HDLBP: variants seen among roughly 807,000 people sequenced by gnomAD.
The protein encoded by HDLBP is high density lipoprotein binding protein.
A neutral mutation model predicts 137.3 loss-of-function variants in HDLBP; 30 were observed. The observed-to-expected ratio is 0.22, with a 90% CI of 0.16 to 0.30. HDLBP has a LOEUF of 0.30. Ranked by LOEUF, HDLBP falls within the 10% of genes least tolerant of loss-of-function variation. The pLI is 1.00. For synonymous variants in HDLBP, 606 were observed against 596.0 expected (o/e 1.02, Z -0.24); for missense variants, 1,119 against 1,667.3 (o/e 0.67, Z 5.73).
chr2:241,298,991 G>A (rs762472978), intron 1 of HDLBP, among the ~76,000 whole-genome samples: 14 of 152,178 alleles, frequency 9.2e-5, no homozygotes, highest in Non-Finnish European at 1.8e-4. Context: ...ATCAGAAGGC[G>A]GCAACGCATT....
intron 4 of HDLBP, among the ~76,000 whole-genome samples, chr2:241,263,581 C>T (rs1349621866): frequency 6.6e-6 from 1 of 152,070 alleles, no homozygotes; most frequent in African/African-American, 2.4e-5. Context: ...AGATAGCAGA[C>T]AGGTGAAAAT....
At chr2:241,242,430 C>A (rs1378489247) in intron 17 of HDLBP, 30 bp downstream of exon 17, 1 of 1,589,158 alleles carries the variant, frequency 6.3e-7, no homozygotes, top group Non-Finnish European at 8.6e-7. Flanking sequence ...AGGCTTCCTG[C>A]CAAGAGTCAC....
intron 1 of HDLBP, among the ~76,000 whole-genome samples, chr2:241,282,054 A>G (rs1369900846): frequency 6.6e-6 from 1 of 152,242 alleles, no homozygotes; most frequent in Non-Finnish European, 1.5e-5. Context: ...AAAAGAGTAT[A>G]AAATGCGTCT....
At chr2:241,243,358 C>T (rs2071425295) in intron 16 of HDLBP, among the ~76,000 whole-genome samples, 1 of 152,230 alleles carries the variant, frequency 6.6e-6, no homozygotes, top group Admixed American at 6.5e-5. Flanking sequence ...CCAGAAGGAT[C>T]ACAGGAAACA....
intron 23 of HDLBP, 86 bp downstream of exon 23, chr2:241,235,035 A>C (rs2070233147): frequency 1.3e-6 from 2 of 1,513,600 alleles, no homozygotes; most frequent in East Asian, 4.7e-5. Context: ...GGATGCTGGG[A>C]TCCTGAAGAA....
intron 1 of HDLBP, chr2:241,268,786 C>T (rs2073865042): frequency 6.6e-6 from 1 of 152,146 alleles, no homozygotes; most frequent in African/African-American, 2.4e-5. Flanking sequence ...ATTCCAGGGA[C>T]CTGAGGGAGT....
intron 20 of HDLBP, 122 bp from the exon 21 acceptor site, chr2:241,236,891 A>C: frequency 5.7e-6 from 5 of 873,220 alleles, no homozygotes; most frequent in East Asian, 3.2e-5. Flanking sequence ...AGGGAAAACC[A>C]CTCCTGTCCT....
chr2:241,238,763 C>A lies in HDLBP; in HGVS notation c.2635G>T (p.Ala879Ser). Residue 879 changes from alanine to serine, a missense_variant, in exon 20 of 28, where the codon GCT becomes TCT. By Grantham distance (99) the Ala-to-Ser change is moderately conservative. Transcript: ENST00000310931. This position sits in a 1 kb window ranked among gnomAD's most constrained non-coding sequence, Gnocchi z 4.9. ...DLEAQVTLEC[A>S]IPQKFHRSVM... The stretch of plus-strand genomic sequence containing the variant: ...GATCGATGGAATTTCTGGGGTATAG[C>A]ACATTCTAATGTCACCTGAGCTTCC... 1.3e-6 allele frequency: 2 copies of A among 1,561,924 alleles called. No homozygotes were observed. The highest frequency in any genetic ancestry group is 1.2e-5 in the South Asian group (1 of 85,772).
chr2:241,312,799 A>G (rs781595137), intron 1 of HDLBP, among the ~76,000 whole-genome samples: 14 of 152,246 alleles, frequency 9.2e-5, no homozygotes, highest in Non-Finnish European at 1.8e-4. Flanking sequence ...GCTGGGACGC[A>G]CTAATGGAGA....
In HDLBP at chr2:241,314,432, A is replaced by T. The variant is rs76523113; in HGVS notation, c.-103+1138T>A. On this transcript the variant is annotated intron_variant, in intron 1 of 27. Coordinates refer to ENST00000310931, the MANE Select transcript of HDLBP (RefSeq NM_005336.6). Reference sequence around the variant, plus strand: ...AAGGAAGTTAGCTGCTAAGAAAGTGACTATCCTTAAGCAGACACCAAATAA... The same window carrying T: ...AAGGAAGTTAGCTGCTAAGAAAGTGTCTATCCTTAAGCAGACACCAAATAA... Among the ~76,000 whole-genome samples the T allele has an allele frequency of 5.1e-3, 780 of 152,332 alleles. 4 individuals are homozygous for T. The highest frequency in any genetic ancestry group is 0.018 in the African/African-American group (746 of 41,554).
intron 5 of HDLBP, among the ~76,000 whole-genome samples, chr2:241,257,677 G>A (rs937637423): frequency 6.6e-5 from 10 of 152,168 alleles, no homozygotes; most frequent in Non-Finnish European, 8.8e-5. Flanking sequence ...AGTAGATGGC[G>A]ATCATCCCAA....
intron 1 of HDLBP, chr2:241,269,034 T>A (rs1055381483): frequency 1.3e-5 from 2 of 152,244 alleles, no homozygotes; most frequent in Non-Finnish European, 2.9e-5. Flanking sequence ...TCTCCGTCTA[T>A]TTTGCAGTTA....
chr2:241,242,649 G>T lies in HDLBP; in HGVS notation c.1980C>A (p.Ile660=), dbSNP rs767156507. ...LANIAEVEVS[I]PAKLHNSLIG... The stretch of plus-strand genomic sequence containing the variant: ...TGAGGGAGTTGTGCAGCTTGGCAGG[G>T]ATGGAGACCTCTACCTCGGCTATGT... Residue 660 remains isoleucine (I), a synonymous_variant, in exon 17 of 28, where the codon ATC becomes ATA. Transcript: ENST00000310931. 1 of 1,613,978 alleles carries T rather than the reference G, an allele frequency of 6.2e-7. No homozygotes were observed. Among genetic ancestry groups the T allele is most frequent in the African/African-American group, 1.3e-5 (1 of 74,928 alleles).
At chr2:241,305,128 T>A (rs976768933) in intron 1 of HDLBP, among the ~76,000 whole-genome samples, 1 of 152,232 alleles carries the variant, frequency 6.6e-6, no homozygotes, top group African/African-American at 2.4e-5. Flanking sequence ...CAGGCTCTAC[T>A]TTTTCATTTT....
At position 241,230,274 on chromosome 2, in the gene HDLBP, A is replaced by G; in HGVS notation, c.3475-5T>C. 6.4e-7 allele frequency: 1 copy of G among 1,563,800 alleles called. No individual in the cohort carries two copies. Among genetic ancestry groups the G allele is most frequent in the Non-Finnish European group, 8.8e-7 (1 of 1,141,492 alleles). Reference sequence around the variant, plus strand: ...CTGTGGGAAGCGAATGTCCACCTGGAAGGGGTGTACAACGTCAGATGAGGG... The same window carrying G: ...CTGTGGGAAGCGAATGTCCACCTGGGAGGGGTGTACAACGTCAGATGAGGG... On this transcript the variant is annotated splice_region_variant and splice_polypyrimidine_tract_variant and intron_variant, in intron 25 of 27. Coordinates refer to ENST00000310931, the MANE Select transcript of HDLBP (RefSeq NM_005336.6). This position sits in a 1 kb window ranked among gnomAD's most constrained non-coding sequence, Gnocchi z 5.0.
Position 241,239,572 on chromosome 2 carries a change from G to A in HDLBP, c.2610+30C>T. 6.3e-7 allele frequency: 1 copy of A among 1,584,914 alleles called. No homozygotes were observed. The highest frequency in any genetic ancestry group is 1.3e-5 in the African/African-American group (1 of 74,492). On this transcript the variant is annotated intron_variant, in intron 19 of 27. Coordinates refer to ENST00000310931, the MANE Select transcript of HDLBP (RefSeq NM_005336.6). This position sits in a 1 kb window ranked among gnomAD's most constrained non-coding sequence, Gnocchi z 4.6. ...TCGGTGAGTGGCCACTGGGGGGTGA[G>A]AACCCCTCCCCGAGCACCCAAGTGC... is the stretch of plus-strand genomic sequence containing the variant.
chr2:241,282,387 G>C (rs1179465025), intron 1 of HDLBP, among the ~76,000 whole-genome samples: 1 of 152,214 alleles, frequency 6.6e-6, no homozygotes, highest in Non-Finnish European at 1.5e-5. Flanking sequence ...GGAATAATTG[G>C]TGTGGTCTCT....
At chr2:241,304,092 T>C (rs2075487818) in intron 1 of HDLBP, among the ~76,000 whole-genome samples, 1 of 152,188 alleles carries the variant, frequency 6.6e-6, no homozygotes, top group African/African-American at 2.4e-5. Flanking sequence ...GATTACAAAG[T>C]GCATGTGTAT....
intron 1 of HDLBP, among the ~76,000 whole-genome samples, chr2:241,277,621 T>C (rs1575007642): frequency 6.6e-6 from 1 of 152,180 alleles, no homozygotes; most frequent in Non-Finnish European, 1.5e-5. Flanking sequence ...GTTAGAAATA[T>C]AGTTTCAATA....
Sources: allele counts gnomAD v4.1 joint callset (sites outside exome capture counted in the v4.1 genomes callset), GRCh38; gene constraint gnomAD v4.1.1; non-coding constraint Gnocchi (gnomAD v3.1); transcripts MANE v1.5; gene names NCBI Gene and HGNC (gene_info 2026-07-23, HGNC 2026-07-21).